CERT1: variants seen among roughly 807,000 people sequenced by gnomAD.
CERT1 encodes the protein ceramide transporter 1.
A neutral mutation model predicts 87.9 loss-of-function variants in CERT1; 31 were observed. The ratio of observed to expected loss-of-function variants is 0.35; its 90% CI spans 0.27 to 0.48. The LOEUF is 0.48. Among genes scored for constraint, CERT1 ranks in the 20% least tolerant of loss-of-function variants. The probability of loss-of-function intolerance (pLI) is 0.99; values close to 1 mark genes in which losing one functional copy is unlikely to be tolerated. For synonymous variants in CERT1, 289 were observed against 250.9 expected (o/e 1.15, Z -1.44); for missense variants, 487 against 758.0 (o/e 0.64, Z 4.20).
Position 75,390,607 on chromosome 5 carries a change from C to T in CERT1, c.1189-920G>A, listed in dbSNP as rs541187181. ...GATTTATTGGAGAACTGAAGTGATA[C>T]AAAGATTGCGGAAACAAAGTAATTT... On this transcript the variant is annotated intron_variant, in intron 11 of 16. Transcript: ENST00000643780. 2.0e-5 allele frequency among the ~76,000 whole-genome samples: 3 copies of T among 152,118 alleles called. No individual in the cohort carries two copies. The South Asian group carries it at 6.2e-4, about 32-fold the overall frequency.
chr5:75,442,014 T>A (rs1313401044), intron 3 of CERT1, among the ~76,000 whole-genome samples: 1 of 152,188 alleles, frequency 6.6e-6, no homozygotes, highest in East Asian at 1.9e-4. Flanking sequence ...TACATTCCTA[T>A]CAACAGGGCA....
At chr5:75,389,782 GCT>G (rs1761957013) in intron 11 of CERT1, 95 bp from the exon 12 acceptor site, 1 of 884,622 alleles carries the variant, frequency 1.1e-6, no homozygotes, top group Non-Finnish European at 1.8e-6. Context: ...CAGAAATGGT[GCT>G]CTTAGTAGCT....
chr5:75,457,518 T>C (rs1286491206), intron 3 of CERT1, among the ~76,000 whole-genome samples: 1 of 152,156 alleles, frequency 6.6e-6, no homozygotes, highest in African/African-American at 2.4e-5. Flanking sequence ...ATTTAGACTT[T>C]TCTGAAGTAA....
At chr5:75,507,122 A>G (rs935370780) in intron 1 of CERT1, among the ~76,000 whole-genome samples, 1 of 151,750 alleles carries the variant, frequency 6.6e-6, no homozygotes, top group Non-Finnish European at 1.5e-5. Context: ...CACTTCTTAA[A>G]TTTTCTTTTA....
chr5:75,499,091 G>T (rs1767219104), intron 2 of CERT1, among the ~76,000 whole-genome samples: 1 of 152,172 alleles, frequency 6.6e-6, no homozygotes, highest in Admixed American at 6.5e-5. Context: ...TTTGGAATAG[G>T]TGTATTTACC....
intron 3 of CERT1, among the ~76,000 whole-genome samples, chr5:75,445,364 T>TC (rs1247615827): frequency 6.6e-6 from 1 of 152,228 alleles, no homozygotes; most frequent in Admixed American, 6.5e-5. Flanking sequence ...TTCAGAGGAC[T>TC]CCCTTAAGCA....
At chr5:75,369,925 A>T (rs1490105230) in intron 17 of CERT1, 1 of 152,238 alleles carries the variant, frequency 6.6e-6, no homozygotes, top group African/African-American at 2.4e-5. Context: ...GACAATATAA[A>T]TGATAGTATG....
chr5:75,436,285 G>A (rs938159837), intron 3 of CERT1, among the ~76,000 whole-genome samples: 1 of 152,084 alleles, frequency 6.6e-6, no homozygotes, highest in East Asian at 1.9e-4. Context: ...TGCCCGCCTC[G>A]GCCTCCCTAA....
chr5:75,422,258 A>G (rs1322094523), intron 5 of CERT1, among the ~76,000 whole-genome samples: 3 of 152,108 alleles, frequency 2.0e-5, no homozygotes, highest in Admixed American at 6.6e-5. Context: ...AGCCACCAGC[A>G]CATTAAATCT....
chr5:75,500,605 C>T (rs1767309734), intron 2 of CERT1, among the ~76,000 whole-genome samples: 1 of 152,176 alleles, frequency 6.6e-6, no homozygotes, highest in African/African-American at 2.4e-5. Flanking sequence ...TAAAAATTCA[C>T]TGACAAATGC....
At chr5:75,499,998 C>T (rs758309222) in intron 2 of CERT1, among the ~76,000 whole-genome samples, 34 of 152,112 alleles carry the variant, frequency 2.2e-4, no homozygotes, top group Non-Finnish European at 4.3e-4. Flanking sequence ...AGGTTGGACC[C>T]CTAATCCAGT....
At chr5:75,471,024 T>G (rs1765683864) in intron 2 of CERT1, among the ~76,000 whole-genome samples, 1 of 152,092 alleles carries the variant, frequency 6.6e-6, no homozygotes, top group African/African-American at 2.4e-5. Flanking sequence ...TAGGAATAAA[T>G]TCAACCAAGG....
At position 75,462,911 on chromosome 5, in the gene CERT1, G is replaced by C. The variant is rs1765298043; in HGVS notation, c.232-3730C>G. ...GGAGGCTGAGGCAGGAGAATCACTT[G>C]AACCCGGGAGGTAGAAGTTGCAGTG... On this transcript the variant is annotated intron_variant, in intron 2 of 16. Transcript: ENST00000643780. Among the ~76,000 whole-genome samples, 6 of 146,078 alleles carry C rather than the reference G, an allele frequency of 4.1e-5. No individual in the cohort carries two copies. The South Asian group carries it at 1.3e-3, about 32-fold the overall frequency.
At chr5:75,436,656 T>C (rs930801881) in intron 3 of CERT1, among the ~76,000 whole-genome samples, 1 of 152,194 alleles carries the variant, frequency 6.6e-6, no homozygotes, top group Admixed American at 6.5e-5. Context: ...CTAAGCAAAA[T>C]TGGAATGTCT....
chr5:75,437,790 A>G (rs1204315100), intron 3 of CERT1, among the ~76,000 whole-genome samples: 1 of 151,358 alleles, frequency 6.6e-6, no homozygotes, highest in African/African-American at 2.4e-5. Context: ...AAAAAAAGAA[A>G]AAAGAAAAGA....
At chr5:75,432,385 C>A (rs899149562) in intron 3 of CERT1, among the ~76,000 whole-genome samples, 1 of 152,180 alleles carries the variant, frequency 6.6e-6, no homozygotes, top group Admixed American at 6.6e-5. Context: ...ACCTCACCAA[C>A]ATCTGTTATT....
chr5:75,449,068 T>A (rs1163852837), intron 3 of CERT1, among the ~76,000 whole-genome samples: 1 of 152,192 alleles, frequency 6.6e-6, no homozygotes, highest in East Asian at 1.9e-4. Context: ...TAACTGCCAA[T>A]CCTACCCCTT....
chr5:75,456,349 A>T (rs1267444097), intron 3 of CERT1, among the ~76,000 whole-genome samples: 1 of 152,086 alleles, frequency 6.6e-6, no homozygotes, highest in Non-Finnish European at 1.5e-5. Context: ...GATTTCTCCT[A>T]GTCTACAAAT....
chr5:75,443,529 G>C (rs1764406947), intron 3 of CERT1, among the ~76,000 whole-genome samples: 1 of 152,168 alleles, frequency 6.6e-6, no homozygotes, highest in Non-Finnish European at 1.5e-5. Flanking sequence ...GCTGTGGTCA[G>C]AGAGGACACT....
Sources: allele counts gnomAD v4.1 joint callset (sites outside exome capture counted in the v4.1 genomes callset), GRCh38; gene constraint gnomAD v4.1.1; transcripts MANE v1.5; gene names NCBI Gene and HGNC (gene_info 2026-07-23, HGNC 2026-07-21).